The following ZFP64 variants were observed in gnomAD, a reference collection of about 807,000 sequenced individuals.
ZFP64 encodes the protein zinc finger protein 64.
ZFP64 carries 14 observed loss-of-function variants against 51.6 expected under a neutral mutation model. The ratio of observed to expected loss-of-function variants is 0.27; its 90% CI spans 0.18 to 0.42. ZFP64 has a LOEUF of 0.42. ZFP64 is among the 10% of genes least tolerant of loss of function. The pLI, the probability that ZFP64 is intolerant of heterozygous loss-of-function variation, is 1.00. For synonymous variants in ZFP64, 375 were observed against 361.4 expected (o/e 1.04, Z -0.43); for missense variants, 754 against 906.8 (o/e 0.83, Z 2.16).
rs112516141 is a variant in ZFP64 at position 52,153,553 on chromosome 20, C to T, written c.764-125G>A. On this transcript the variant is annotated intron_variant, in intron 5 of 5. Coordinates refer to ENST00000216923, the MANE Select transcript of ZFP64 (RefSeq NM_018197.3). This position sits in a 1 kb window ranked among gnomAD's most constrained non-coding sequence, Gnocchi z 5.1. ...GGTGCAGACCTCCTAACTGCAGCTT[C>T]TAGCAGCCCCTGGCAGTGGGGGAAG... The T allele has an allele frequency of 2.8e-5, 38 of 1,372,368 alleles. 1 individual carries two copies. In the African/African-American group the frequency reaches 3.9e-4, roughly 14 times the overall value. 85.0% of individuals were successfully genotyped at this position (1,372,368 alleles called of 1,614,324 possible).
Position 52,164,735 on chromosome 20 carries a change from A to G in ZFP64, c.471T>C (p.Tyr157=), listed in dbSNP as rs1376993301. The part of the protein sequence containing the change: ...CYPGCQFKTA[Y]GMKDMERHLK... ...AATGCCGCTCCATGTCCTTCATGCC[A>G]TAAGCAGTCTTGAATTGGCAACCTA... Residue 157 remains tyrosine, a synonymous_variant, in exon 4 of 6, where the codon TAT becomes TAC. Coordinates refer to ENST00000216923, the MANE Select transcript of ZFP64 (RefSeq NM_018197.3). 1.2e-6 allele frequency: 2 copies of G among 1,613,208 alleles called. No homozygotes were observed. Among genetic ancestry groups the G allele is most frequent in the Non-Finnish European group, 1.7e-6 (2 of 1,179,898 alleles).
chr20:52,160,183 T>A lies in ZFP64; in HGVS notation c.703A>T (p.Ile235Phe). 6.2e-7 allele frequency: 1 copy of A among 1,614,116 alleles called. No homozygotes were observed. Among genetic ancestry groups the A allele is most frequent in the Non-Finnish European group, 8.5e-7 (1 of 1,180,026 alleles). ...GAGTTGCGGCTGGCGTAGGGGCAGA[T>A]CTGGCATTTGAAGGGCCGCTCGTCC... is the stretch of plus-strand genomic sequence containing the variant. ...HSDERPFKCQ[I>F]CPYASRNSSQ... The change falls in exon 5 of 6, where the codon ATC (isoleucine) becomes TTC (phenylalanine). Residue 235 changes from isoleucine (I) to phenylalanine (F), a missense_variant. Transcript: ENST00000216923. This position sits in a 1 kb window ranked among gnomAD's most constrained non-coding sequence, Gnocchi z 4.2.
At chr20:52,106,753 C>T (rs1978321072) in intron 5 of ZFP64, among the ~76,000 whole-genome samples, 1 of 152,158 alleles carries the variant, frequency 6.6e-6, no homozygotes, top group Non-Finnish European at 1.5e-5. Flanking sequence ...CGCTTCAAGT[C>T]TTCTTTGGGA....
At chr20:52,142,394 A>G (rs79856252) in intron 5 of ZFP64, among the ~76,000 whole-genome samples, 58 of 105,396 alleles carry the variant, frequency 5.5e-4, no homozygotes, top group African/African-American at 8.4e-4. Context: ...ACACACACAC[A>G]CACACACACA....
chr20:52,144,929 T>C lies in ZFP64; in HGVS notation c.763+15194A>G, dbSNP rs187938114. Among the ~76,000 whole-genome samples the C allele has an allele frequency of 2.0e-3, 299 of 152,292 alleles. 1 individual carries two copies. The highest frequency in any genetic ancestry group is 6.8e-3 in the African/African-American group (283 of 41,568). On this transcript the variant is annotated intron_variant, in intron 5 of 8. Transcript: ENST00000361387. The stretch of plus-strand genomic sequence containing the variant: ...TACTAAAATTGATCCAGATAAGGTA[T>C]ACAACCTGAACAGATCAGTAATTAC...
intron 5 of ZFP64, among the ~76,000 whole-genome samples, chr20:52,111,295 C>T (rs1436853904): frequency 6.7e-6 from 1 of 150,034 alleles, no homozygotes; most frequent in Non-Finnish European, 1.5e-5. Flanking sequence ...CGGCTCATCG[C>T]AACCTCCAGC....
At position 52,111,653 on chromosome 20, in the gene ZFP64, G is replaced by T. The variant is rs532721414; in HGVS notation, c.764-13066C>A. Among the ~76,000 whole-genome samples, 4 of 152,202 alleles carry T rather than the reference G, an allele frequency of 2.6e-5. No individual in the cohort carries two copies. The South Asian group carries it at 8.3e-4, about 32-fold the overall frequency. On this transcript the variant is annotated intron_variant, in intron 5 of 8. Transcript: ENST00000361387. ...TCGCAACTCTTAAGTATTTTGCCAA[G>T]AGATAAACAGCATACTTCTGAATTA... is the stretch of plus-strand genomic sequence containing the variant.
At chr20:52,165,459 C>T (rs1346943047) in intron 3 of ZFP64, 2 of 461,428 alleles carry the variant, frequency 4.3e-6, no homozygotes, top group African/African-American at 2.0e-5. Flanking sequence ...TTTGGGGAAT[C>T]TAGATGAAGG....
chr20:52,122,463 T>G (rs960062794), intron 5 of ZFP64, among the ~76,000 whole-genome samples: 12 of 133,548 alleles, frequency 9.0e-5, no homozygotes, highest in African/African-American at 3.5e-4. Flanking sequence ...CCGAGATGGC[T>G]CCACTGCACT....
intron 5 of ZFP64, among the ~76,000 whole-genome samples, chr20:52,108,038 C>T (rs773623164): frequency 6.6e-5 from 10 of 152,042 alleles, no homozygotes; most frequent in South Asian, 2.1e-4. Flanking sequence ...CCAGCCTGGG[C>T]GACATGGCAA....
chr20:52,184,918 G>A (rs1051078680), intron 2 of ZFP64, among the ~76,000 whole-genome samples: 3 of 152,286 alleles, frequency 2.0e-5, no homozygotes, highest in African/African-American at 7.2e-5. Flanking sequence ...GTGAGCCACT[G>A]CACCTGGCCA....
intron 4 of ZFP64, 81 bp downstream of exon 4, chr20:52,164,614 A>G: frequency 1.7e-6 from 2 of 1,204,652 alleles, no homozygotes; most frequent in Non-Finnish European, 1.2e-6. Context: ...GAGTGGTATC[A>G]TTCGTCTGAC....
At chr20:52,143,131 A>G (rs1233438599) in intron 5 of ZFP64, among the ~76,000 whole-genome samples, 3 of 143,594 alleles carry the variant, frequency 2.1e-5, no homozygotes, top group African/African-American at 7.5e-5. Context: ...ATAGTATGGT[A>G]TAAACATAAC....
intron 2 of ZFP64, among the ~76,000 whole-genome samples, chr20:52,171,488 G>GTTTTATTTCA (rs1479791380): frequency 1.3e-5 from 2 of 152,018 alleles, no homozygotes; most frequent in Non-Finnish European, 2.9e-5. Context: ...CAATTTGGGT[G>GTTTTATTTCA]TTTTATTTCA....
Position 52,153,143 on chromosome 20 carries a change from T to G in ZFP64, c.1049A>C (p.Tyr350Ser). 6.2e-7 allele frequency: 1 copy of G among 1,613,952 alleles called. No individual in the cohort carries two copies. Among genetic ancestry groups the G allele is most frequent in the Non-Finnish European group, 8.5e-7 (1 of 1,179,984 alleles). The change falls in exon 6 of 6, where the codon TAC becomes TCC. Residue 350 changes from tyrosine to serine, a missense_variant. This residue lies in a region of ZFP64 where 428 missense variants were observed against 472.4 expected (regional missense o/e 0.91). Transcript: ENST00000216923. The surrounding 1 kb of genome is among the most constrained non-coding windows in gnomAD (Gnocchi z 5.1). ...EHPEKCSECS[Y>S]SCSSKAALRI... The stretch of plus-strand genomic sequence containing the variant: ...CAGGGCGGCCTTGCTGGAGCAGGAG[T>G]AGCTGCATTCCGAGCACTTCTCAGG...
In ZFP64 at chr20:52,084,815, CT is replaced by C; in HGVS notation, c.1679del (p.Lys560ArgfsTer16). On this transcript the variant is annotated frameshift_variant, in exon 9 of 9. Coordinates refer to the ZFP64 transcript ENST00000361387. LOFTEE classifies it low-confidence loss of function (END_TRUNC). ...GGGAGCTGCCCTCTCTGAGCCCTTCCTTGCCCAGAGGGGCCCGGTTCTCCGT... is the reference window on the plus strand; with the variant it reads ...GGGAGCTGCCCTCTCTGAGCCCTTCCTGCCCAGAGGGGCCCGGTTCTCCGT... 2.5e-6 allele frequency: 4 copies of C among 1,614,182 alleles called. No homozygotes were observed. The highest frequency in any genetic ancestry group is 3.4e-6 in the Non-Finnish European group (4 of 1,180,044).
chr20:52,147,772 T>C (rs1389774678), downstream of ZFP64, among the ~76,000 whole-genome samples: 1 of 152,116 alleles, frequency 6.6e-6, no homozygotes, highest in Non-Finnish European at 1.5e-5. Flanking sequence ...CCCAGCACTT[T>C]GGGAGGCCGA....
At chr20:52,092,208 C>T (rs1176315431) in intron 7 of ZFP64, among the ~76,000 whole-genome samples, 1 of 152,174 alleles carries the variant, frequency 6.6e-6, no homozygotes, top group Non-Finnish European at 1.5e-5. Context: ...ACCAACAGAT[C>T]AGGGTTCTTA....
At chr20:52,187,376 C>T (rs2123134977) in intron 1 of ZFP64, among the ~76,000 whole-genome samples, 1 of 152,230 alleles carries the variant, frequency 6.6e-6, no homozygotes, top group Admixed American at 6.5e-5. Context: ...AATCCTGGCA[C>T]TTTGGGAGGC....
Sources: allele counts gnomAD v4.1 joint callset (sites outside exome capture counted in the v4.1 genomes callset), GRCh38; gene constraint gnomAD v4.1.1; regional missense constraint gnomAD v4.1.1; non-coding constraint Gnocchi (gnomAD v3.1); transcripts MANE v1.5; gene names NCBI Gene and HGNC (gene_info 2026-07-23, HGNC 2026-07-21).